AHI1: variants seen among roughly 807,000 people sequenced by gnomAD.
The protein encoded by AHI1 is Abelson helper integration site 1.
A neutral mutation model predicts 149.3 loss-of-function variants in AHI1; 123 were observed. The ratio of observed to expected loss-of-function variants is 0.82; its 90% CI spans 0.71 to 0.96. The LOEUF is 0.96. Among genes scored for constraint, AHI1 ranks in the 40% least tolerant of loss-of-function variants. AHI1 has a pLI of 0.00. For missense variants in AHI1, 1,439 were observed against 1,422.7 expected, an observed-to-expected ratio of 1.01 and a Z score of -0.18; for synonymous variants, 475 against 459.8, an observed-to-expected ratio of 1.03 and a Z score of -0.42.
At chr6:135,383,890 T>C (rs1180718765) in intron 23 of AHI1, among the ~76,000 whole-genome samples, 1 of 152,176 alleles carries the variant, frequency 6.6e-6, no homozygotes, top group Non-Finnish European at 1.5e-5. Context: ...AACCCTCTCA[T>C]CTCACCTGTT....
At chr6:135,347,263 T>C (rs894927937) in intron 24 of AHI1, among the ~76,000 whole-genome samples, 1 of 152,202 alleles carries the variant, frequency 6.6e-6, no homozygotes, top group African/African-American at 2.4e-5. Flanking sequence ...TACAGTTATA[T>C]TACAAAGATC....
chr6:135,342,226 T>C (rs1352463844), intron 24 of AHI1, among the ~76,000 whole-genome samples: 1 of 151,840 alleles, frequency 6.6e-6, no homozygotes, highest in Non-Finnish European at 1.5e-5. Context: ...CCTAGAAAGA[T>C]GCAACTTAAA....
At chr6:135,484,693 T>C (rs938168798) in intron 5 of AHI1, among the ~76,000 whole-genome samples, 1 of 152,002 alleles carries the variant, frequency 6.6e-6, no homozygotes, top group Middle Eastern at 3.2e-3. Flanking sequence ...TAGCTATATG[T>C]AAGACTATTA....
chr6:135,292,941 C>G (rs1359845465), intron 27 of AHI1, among the ~76,000 whole-genome samples: 1 of 151,976 alleles, frequency 6.6e-6, no homozygotes, highest in Non-Finnish European at 1.5e-5. Flanking sequence ...TAAGATGTTA[C>G]AAAAAAATTA....
intron 2 of AHI1, 22 bp from the exon 3 acceptor site, chr6:135,495,920 C>G (rs1259122251): frequency 2.0e-5 from 3 of 151,758 alleles, no homozygotes; most frequent in African/African-American, 7.3e-5. Context: ...AGAGAAAATA[C>G]CAAAAAGCAA....
At chr6:135,421,411 T>C (rs1232559610) in intron 20 of AHI1, among the ~76,000 whole-genome samples, 1 of 152,188 alleles carries the variant, frequency 6.6e-6, no homozygotes, top group Non-Finnish European at 1.5e-5. Flanking sequence ...CCTGTATTTA[T>C]GCTTCATGCC....
intron 5 of AHI1, among the ~76,000 whole-genome samples, chr6:135,480,981 C>A (rs143661900): frequency 9.9e-5 from 15 of 152,214 alleles, no homozygotes; most frequent in Admixed American, 2.0e-4. Context: ...AACCATCCCC[C>A]CCGGCCCACT....
In AHI1 at chr6:135,440,329, G is replaced by C. The variant is rs374545677; in HGVS notation, c.1913-1831C>G. On this transcript the variant is annotated intron_variant, in intron 14 of 28. Coordinates refer to ENST00000265602, the MANE Select transcript of AHI1 (RefSeq NM_001134831.2). ...ACCCGTGGCATCATTTAATATCACA[G>C]CTGCAAGTGAGGCTAAGAAGAGGCT... 5.7e-4 allele frequency among the ~76,000 whole-genome samples: 87 copies of C among 152,182 alleles called. No homozygotes were observed. In the South Asian group the frequency reaches 6.6e-3, roughly 12 times the overall value.
chr6:135,285,629 A>C lies in AHI1; in HGVS notation c.*16T>G. The C allele has an allele frequency of 6.2e-7, 1 of 1,607,932 alleles. No individual in the cohort carries two copies. The highest frequency in any genetic ancestry group is 8.5e-7 in the Non-Finnish European group (1 of 1,176,334). On this transcript the variant is annotated 3_prime_UTR_variant, in exon 29 of 29. Coordinates refer to ENST00000265602, the MANE Select transcript of AHI1 (RefSeq NM_001134831.2). ...CCTCTGTGCATTTCGGCAGCTCTTA[A>C]CTTTTCTTCAATTCTTTACTGGAAA...
rs753220658 is a variant in AHI1, at chr6:135,463,228, A to G, written c.828T>C (p.Ser276=). The part of the protein sequence containing the change: ...ESSVRSVSSD[S]HQDDEISSME... The stretch of plus-strand genomic sequence containing the variant: ...TTGAGCTTATTTCATCATCTTGATG[A>G]GAATCTGAAGAAACTGATCTAACTG... The change falls in exon 8 of 29, where the codon TCT becomes TCC. Residue 276 remains serine (S), a synonymous_variant. Coordinates refer to ENST00000265602, the MANE Select transcript of AHI1 (RefSeq NM_001134831.2). The G allele has an allele frequency of 1.2e-6, 2 of 1,610,492 alleles. No individual in the cohort carries two copies. The highest frequency in any genetic ancestry group is 1.7e-6 in the Non-Finnish European group (2 of 1,179,352).
chr6:135,437,986 C>T (rs775311143), intron 15 of AHI1, among the ~76,000 whole-genome samples: 1 of 151,962 alleles, frequency 6.6e-6, no homozygotes, highest in African/African-American at 2.4e-5. Flanking sequence ...CTGTGATATA[C>T]TGAGCACCAC....
At chr6:135,482,691 T>A (rs753256883) in intron 5 of AHI1, among the ~76,000 whole-genome samples, 1 of 151,772 alleles carries the variant, frequency 6.6e-6, no homozygotes, top group Non-Finnish European at 1.5e-5. Flanking sequence ...TCTCCTAGAG[T>A]CTGTTTCTAT....
chr6:135,435,961 G>A (rs533002987), intron 15 of AHI1, among the ~76,000 whole-genome samples: 1 of 152,228 alleles, frequency 6.6e-6, no homozygotes, highest in South Asian at 2.1e-4. Context: ...TGGTGGATAA[G>A]GATGCCATTA....
chr6:135,374,960 T>C (rs1320886653), intron 23 of AHI1, among the ~76,000 whole-genome samples: 2 of 152,206 alleles, frequency 1.3e-5, no homozygotes, highest in African/African-American at 4.8e-5. Flanking sequence ...AAAATAGGCT[T>C]TGTCTTAGAT....
chr6:135,387,151 G>A (rs1179931485), intron 23 of AHI1, among the ~76,000 whole-genome samples: 1 of 152,122 alleles, frequency 6.6e-6, no homozygotes, highest in East Asian at 1.9e-4. Flanking sequence ...CAAAAGTGCT[G>A]GGATTACAGG....
intron 5 of AHI1, among the ~76,000 whole-genome samples, chr6:135,476,576 A>G (rs1425077111): frequency 6.6e-6 from 1 of 152,176 alleles, no homozygotes; most frequent in Non-Finnish European, 1.5e-5. Flanking sequence ...AGAGGATACT[A>G]ACATATCTAA....
At chr6:135,367,655 T>C (rs947658776) in intron 23 of AHI1, among the ~76,000 whole-genome samples, 1 of 152,188 alleles carries the variant, frequency 6.6e-6, no homozygotes, top group Non-Finnish European at 1.5e-5. Context: ...GGTAAGACTT[T>C]CCAGTGTATT....
In AHI1 at chr6:135,438,556, T is replaced by C. The variant is rs553208803; in HGVS notation, c.1913-58A>G. 5.4e-6 allele frequency: 7 copies of C among 1,295,754 alleles called. No individual in the cohort carries two copies. The African/African-American group carries it at 7.5e-5, about 14-fold the overall frequency. 80.3% of individuals were successfully genotyped at this position (1,295,754 alleles called of 1,614,324 possible). The stretch of plus-strand genomic sequence containing the variant: ...ACAGAAGATCCTTAATCCAATAATA[T>C]ACAAATATATAATTTAATATTATTT... On this transcript the variant is annotated intron_variant, in intron 14 of 28. Transcript: ENST00000265602.
chr6:135,408,563 T>C (rs1462925621), intron 21 of AHI1, among the ~76,000 whole-genome samples: 1 of 152,120 alleles, frequency 6.6e-6, no homozygotes, highest in Non-Finnish European at 1.5e-5. Context: ...AGAGATGGAA[T>C]GTAATCTGCA....
Sources: allele counts gnomAD v4.1 joint callset (sites outside exome capture counted in the v4.1 genomes callset), GRCh38; gene constraint gnomAD v4.1.1; transcripts MANE v1.5; gene names NCBI Gene and HGNC (gene_info 2026-07-23, HGNC 2026-07-21).